The following TGFB2 variants were observed in gnomAD, a reference collection of about 807,000 sequenced individuals.
TGFB2 encodes the protein transforming growth factor beta-2 proprotein.
Under a neutral mutation model 42.7 loss-of-function variants are expected in TGFB2, and 13 were observed. That is an observed-to-expected ratio of 0.30 (90% CI 0.20 to 0.48). TGFB2 has a LOEUF of 0.48. Ranked by LOEUF, TGFB2 falls within the 20% of genes least tolerant of loss-of-function variation. The pLI is 0.99. For missense variants in TGFB2, 390 were observed against 517.5 expected, an observed-to-expected ratio of 0.75 and a Z score of 2.39; for synonymous variants, 193 against 193.6, an observed-to-expected ratio of 1.00 and a Z score of 0.03.
intron 1 of TGFB2, among the ~76,000 whole-genome samples, chr1:218,380,647 T>C (rs1044565899): frequency 6.6e-6 from 1 of 152,132 alleles, no homozygotes; most frequent in Non-Finnish European, 1.5e-5. Context: ...TCCAGACCTG[T>C]TACCTTGTAA....
intron 1 of TGFB2, among the ~76,000 whole-genome samples, chr1:218,378,663 G>T (rs1657838900): frequency 6.6e-6 from 1 of 151,972 alleles, no homozygotes; most frequent in Non-Finnish European, 1.5e-5. Context: ...CCAGTCTGGG[G>T]TGCAGGGACC....
chr1:218,396,968 C>A (rs960276945), intron 1 of TGFB2, among the ~76,000 whole-genome samples: 8 of 152,116 alleles, frequency 5.3e-5, no homozygotes, highest in Non-Finnish European at 1.2e-4. Context: ...AAAGCCTGAT[C>A]CAAAGTTTAG....
chr1:218,405,611 T>A, intron 2 of TGFB2: 1 of 442,250 alleles, frequency 2.3e-6, no homozygotes, highest in South Asian at 2.2e-5. Context: ...TTAAGCAATC[T>A]TCCCACCTTG....
intron 1 of TGFB2, among the ~76,000 whole-genome samples, chr1:218,374,549 G>A (rs1396567929): frequency 6.6e-6 from 1 of 152,124 alleles, no homozygotes. Context: ...ACTAAACATA[G>A]CAATATTAGT....
At chr1:218,435,931 T>A in intron 4 of TGFB2, 39 bp from the exon 5 acceptor site, 2 of 1,561,578 alleles carry the variant, frequency 1.3e-6, no homozygotes, top group Non-Finnish European at 1.7e-6. Flanking sequence ...TTGATGAAGG[T>A]GAAGCTAAAT....
At chr1:218,400,208 T>C (rs562269919) in intron 1 of TGFB2, among the ~76,000 whole-genome samples, 65 of 151,690 alleles carry the variant, frequency 4.3e-4, no homozygotes, top group Non-Finnish European at 6.2e-4. Context: ...AAATATGGGG[T>C]CTCTTGTTCA....
chr1:218,413,805 C>G (rs1259191893), intron 2 of TGFB2, among the ~76,000 whole-genome samples: 1 of 152,146 alleles, frequency 6.6e-6, no homozygotes, highest in Admixed American at 6.5e-5. Flanking sequence ...ACCAGCTTGT[C>G]AAATGTGATG....
chr1:218,364,356 A>G (rs1310965026), intron 1 of TGFB2, among the ~76,000 whole-genome samples: 2 of 152,284 alleles, frequency 1.3e-5, no homozygotes, highest in Non-Finnish European at 2.9e-5. Context: ...ACCCTTTCTT[A>G]TTGGGAACAC....
At chr1:218,430,494 C>T (rs1208516665) in intron 2 of TGFB2, among the ~76,000 whole-genome samples, 4 of 152,092 alleles carry the variant, frequency 2.6e-5, no homozygotes, top group African/African-American at 9.7e-5. Flanking sequence ...ATTCAATACT[C>T]TTGTTGTTTG....
At chr1:218,398,080 C>T (rs1453820087) in intron 1 of TGFB2, among the ~76,000 whole-genome samples, 3 of 152,240 alleles carry the variant, frequency 2.0e-5, no homozygotes, top group Non-Finnish European at 4.4e-5. Flanking sequence ...TTTCCCCGGA[C>T]TTTATCAATC....
chr1:218,358,416 T>A (rs1163834617), intron 1 of TGFB2, among the ~76,000 whole-genome samples: 1 of 152,250 alleles, frequency 6.6e-6, no homozygotes, highest in Admixed American at 6.5e-5. Flanking sequence ...TTCTTCTATT[T>A]TGATTTTTTT....
intron 5 of TGFB2, among the ~76,000 whole-genome samples, chr1:218,436,822 C>T (rs1352601488): frequency 6.6e-6 from 1 of 152,090 alleles, no homozygotes; most frequent in Non-Finnish European, 1.5e-5. Context: ...CAGTGGTTGC[C>T]CTCAGCAAGA....
intron 4 of TGFB2, among the ~76,000 whole-genome samples, chr1:218,434,804 G>A (rs1004866814): frequency 1.3e-5 from 2 of 152,124 alleles, no homozygotes; most frequent in South Asian, 4.2e-4. Flanking sequence ...AAAATTCATT[G>A]ATAATCCCCC....
At chr1:218,378,672 C>T (rs1164067929) in intron 1 of TGFB2, among the ~76,000 whole-genome samples, 12 of 151,886 alleles carry the variant, frequency 7.9e-5, no homozygotes, top group Admixed American at 7.2e-4. Context: ...GGTGCAGGGA[C>T]CATAGCTCAC....
Position 218,438,592 on chromosome 1 carries a change from TG to T in TGFB2, c.1086+1097del, listed in dbSNP as rs1660047873. On this transcript the variant is annotated intron_variant, in intron 6 of 6. Coordinates refer to ENST00000366930, the MANE Select transcript of TGFB2 (RefSeq NM_003238.6). ...ATTCGTTTCTCTACTTTTTTTTTAA[TG>T]TAACACAAAGTAAATGAGAATCTGA... Among the ~76,000 whole-genome samples the T allele has an allele frequency of 2.6e-5, 4 of 152,294 alleles. No homozygotes were observed. In the South Asian group the frequency reaches 8.3e-4, roughly 32 times the overall value.
intron 5 of TGFB2, 40 bp from the exon 6 acceptor site, chr1:218,437,303 C>A: frequency 6.5e-7 from 1 of 1,533,504 alleles, no homozygotes. Context: ...GGTGAATCAG[C>A]TTTAAAATCT....
Position 218,443,462 on chromosome 1 carries a change from C to G in TGFB2, c.*2100C>G, listed in dbSNP as rs1238296257. ...AGAATTGGATTTGCAAGTTTGAAAA[C>G]TGGAAAAGCAAGAGATGGGATGCCA... is the stretch of plus-strand genomic sequence containing the variant. On this transcript the variant is annotated 3_prime_UTR_variant, in exon 7 of 7. Coordinates refer to ENST00000366930, the MANE Select transcript of TGFB2 (RefSeq NM_003238.6). 6.6e-6 allele frequency: 1 copy of G among 152,128 alleles called. No individual in the cohort carries two copies. The allele number at this position is 152,128 out of a possible 1,614,324, so 9.4% of individuals were successfully genotyped here. A position where few individuals can be genotyped will look rare whatever the true frequency, so the allele number is the denominator to read the frequency against.
In TGFB2 at chr1:218,434,232, C is replaced by G; in HGVS notation, c.643+18C>G. On this transcript the variant is annotated intron_variant, in intron 3 of 6. Coordinates refer to ENST00000366930, the MANE Select transcript of TGFB2 (RefSeq NM_003238.6). Reference sequence around the variant, plus strand: ...CCATAAAGGTTACAAGCCACTCTCTCTTTTCCTCCCAAGATGTTCAGTATC... The same window carrying G: ...CCATAAAGGTTACAAGCCACTCTCTGTTTTCCTCCCAAGATGTTCAGTATC... The G allele has an allele frequency of 1.2e-6, 2 of 1,613,100 alleles. No homozygotes were observed. Among genetic ancestry groups the G allele is most frequent in the Non-Finnish European group, 1.7e-6 (2 of 1,179,076 alleles).
chr1:218,350,299 C>T (rs1571824943), intron 1 of TGFB2, among the ~76,000 whole-genome samples: 1 of 152,194 alleles, frequency 6.6e-6, no homozygotes, highest in Non-Finnish European at 1.5e-5. Flanking sequence ...TGTACTCCCC[C>T]CAACACCCGC....
Sources: allele counts gnomAD v4.1 joint callset (sites outside exome capture counted in the v4.1 genomes callset), GRCh38; gene constraint gnomAD v4.1.1; transcripts MANE v1.5; gene names NCBI Gene and HGNC (gene_info 2026-07-23, HGNC 2026-07-21).